The following PLAC1 variants were observed in gnomAD, a reference collection of about 807,000 sequenced individuals.
The protein encoded by PLAC1 is placenta-specific protein 1.
For missense variants in PLAC1, 136 were observed against 163.2 expected (o/e 0.83, Z 0.91); for synonymous variants, 68 against 62.1 (o/e 1.09, Z -0.44).
intron 2 of PLAC1, among the ~76,000 whole-genome samples, chrX:134,729,016 G>A (rs1352321060): frequency 9.0e-6 from 1 of 111,393 alleles, no homozygotes; most frequent in South Asian, 3.8e-4. Flanking sequence ...AGGAAGAGCC[G>A]TGGGCCTCTC....
intron 2 of PLAC1, among the ~76,000 whole-genome samples, chrX:134,581,918 G>A (rs971934678): frequency 2.7e-5 from 3 of 112,106 alleles, no homozygotes; most frequent in Non-Finnish European, 5.6e-5. Context: ...GCCTATTAGA[G>A]GGGCCTGACC....
chrX:134,629,985 T>TC, intron 1 of PLAC1, among the ~76,000 whole-genome samples: 1 of 104,840 alleles, frequency 9.5e-6, no homozygotes, highest in Non-Finnish European at 2.0e-5. Flanking sequence ...TTTTTTTTTT[T>TC]TTTGAGACAG....
At chrX:134,687,367 T>A (rs1007961177) in intron 2 of PLAC1, among the ~76,000 whole-genome samples, 3 of 111,592 alleles carry the variant, frequency 2.7e-5, no homozygotes, top group South Asian at 3.8e-4. Context: ...TAAACTTTTT[T>A]AAAACCTTAC....
At chrX:134,662,858 G>A (rs1433043819), upstream of PLAC1, among the ~76,000 whole-genome samples, 2 of 111,926 alleles carry the variant, frequency 1.8e-5, no homozygotes, top group Non-Finnish European at 3.8e-5. Context: ...GAACTTGGGA[G>A]GCAGAGTTTG....
chrX:134,719,429 C>G (rs781630868), intron 2 of PLAC1, among the ~76,000 whole-genome samples: 1 of 112,093 alleles, frequency 8.9e-6, no homozygotes, highest in South Asian at 3.7e-4. Flanking sequence ...ACCTGTTAAT[C>G]TCCATAGATG....
chrX:134,707,564 G>A (rs915895624), intron 2 of PLAC1, among the ~76,000 whole-genome samples: 5 of 111,956 alleles, frequency 4.5e-5, no homozygotes, highest in Admixed American at 2.9e-4. Context: ...ACCCACCTAT[G>A]AGTGAGAACA....
intron 2 of PLAC1, among the ~76,000 whole-genome samples, chrX:134,571,360 C>T (rs1005188027): frequency 9.0e-6 from 1 of 111,530 alleles, no homozygotes; most frequent in East Asian, 2.8e-4. Context: ...TTAACATGAC[C>T]ATTGCCTTAC....
chrX:134,685,132 G>A (rs925695512), intron 2 of PLAC1, among the ~76,000 whole-genome samples: 3 of 111,967 alleles, frequency 2.7e-5, no homozygotes, highest in Admixed American at 1.9e-4. Context: ...TTCCCTTCCT[G>A]AGGAACATGC....
rs180766475 is a variant in PLAC1 at position 134,756,896 on chromosome X, T to C, written n.89+7338A>G. Among the ~76,000 whole-genome samples, 38 of 111,701 alleles carry C rather than the reference T, an allele frequency of 3.4e-4. No homozygotes were observed. In the East Asian group the frequency reaches 9.5e-3, roughly 28 times the overall value. ...TTTCATATATACTTGGGTCTATTTC[T>C]GGACTTTCTGCTTTGTTTTGTTGAT... is the stretch of plus-strand genomic sequence containing the variant. On this transcript the variant is annotated intron_variant and non_coding_transcript_variant, in intron 1 of 2. Coordinates refer to the PLAC1 transcript ENST00000466797.
chrX:134,570,018 T>C (rs916804719), intron 2 of PLAC1, among the ~76,000 whole-genome samples: 18 of 110,308 alleles, frequency 1.6e-4, no homozygotes, highest in African/African-American at 6.0e-4. Context: ...TTAGTAGAGA[T>C]AGGGTTTCAC....
upstream of PLAC1, among the ~76,000 whole-genome samples, chrX:134,659,586 T>C (rs1037854571): frequency 9.0e-6 from 1 of 111,152 alleles, no homozygotes; most frequent in Non-Finnish European, 1.9e-5. Context: ...GAGCTGAGAG[T>C]AGGCAGTCAC....
intron 1 of PLAC1, among the ~76,000 whole-genome samples, chrX:134,735,632 G>C (rs5933459): frequency 9.1e-6 from 1 of 109,404 alleles, no homozygotes; most frequent in South Asian, 3.9e-4. Context: ...GCAGGGAAGA[G>C]AGAGAGAAAG....
intron 1 of PLAC1, among the ~76,000 whole-genome samples, chrX:134,634,036 C>A (rs947076227): frequency 2.3e-4 from 25 of 107,015 alleles, no homozygotes; most frequent in African/African-American, 8.2e-4. Flanking sequence ...CTTCCTCTTT[C>A]TGAGCATCTA....
chrX:134,567,015 T>C (rs1447752965), intron 2 of PLAC1, among the ~76,000 whole-genome samples: 3 of 112,374 alleles, frequency 2.7e-5, no homozygotes, highest in Non-Finnish European at 1.9e-5. Flanking sequence ...AGTGGCATCC[T>C]TTTGTGTTTA....
chrX:134,763,745 C>A (rs1219183245), intron 1 of PLAC1, among the ~76,000 whole-genome samples: 1 of 107,213 alleles, frequency 9.3e-6, no homozygotes, highest in African/African-American at 3.4e-5. Flanking sequence ...TGCTTGAACC[C>A]GGGAGGCGGA....
intron 2 of PLAC1, among the ~76,000 whole-genome samples, chrX:134,597,880 T>A (rs895502456): frequency 8.9e-6 from 1 of 111,902 alleles, no homozygotes; most frequent in African/African-American, 3.3e-5. Context: ...CCCACTGGTG[T>A]TTCTGAATTG....
At chrX:134,603,269 TTATATATATATATATATATATATATATA>T (rs1232261107) in intron 1 of PLAC1, among the ~76,000 whole-genome samples, 17 of 6,916 alleles carry the variant, frequency 2.5e-3, no homozygotes, top group African/African-American at 4.7e-3. Flanking sequence ...TCTCTGTATT[TTATATATATATATATATATATATATATA>T]TATATATATA....
intron 1 of PLAC1, among the ~76,000 whole-genome samples, chrX:134,647,675 A>G (rs1228046701): frequency 2.7e-5 from 3 of 111,332 alleles, no homozygotes; most frequent in Non-Finnish European, 5.7e-5. Context: ...TCTTGCTTGA[A>G]AGGAACATCC....
chrX:134,662,158 A>C (rs1402745376), upstream of PLAC1, among the ~76,000 whole-genome samples: 2 of 111,275 alleles, frequency 1.8e-5, no homozygotes, highest in Non-Finnish European at 3.8e-5. Context: ...GTTTGAGCCC[A>C]GGAGGTCAAG....
Sources: allele counts gnomAD v4.1 joint callset (sites outside exome capture counted in the v4.1 genomes callset), GRCh38; gene constraint gnomAD v4.1.1; transcripts MANE v1.5; gene names NCBI Gene and HGNC (gene_info 2026-07-23, HGNC 2026-07-21).